The following GRM1 variants were observed in gnomAD, a reference collection of about 807,000 sequenced individuals.
GRM1 encodes the protein metabotropic glutamate receptor 1.
Under a neutral mutation model 90.9 loss-of-function variants are expected in GRM1, and 33 were observed. The observed-to-expected ratio is 0.36, with a 90% CI of 0.28 to 0.49. GRM1 has a LOEUF of 0.49. Among genes scored for constraint, GRM1 ranks in the 20% least tolerant of loss-of-function variants. The probability of loss-of-function intolerance (pLI) is 0.99; values close to 1 mark genes in which losing one functional copy is unlikely to be tolerated. For synonymous variants in GRM1, 700 were observed against 613.2 expected, an observed-to-expected ratio of 1.14 and a Z score of -2.09; for missense variants, 1,190 against 1,534.3, an observed-to-expected ratio of 0.78 and a Z score of 3.75.
intron 1 of GRM1, among the ~76,000 whole-genome samples, chr6:146,077,040 T>C (rs373772964): frequency 3.3e-4 from 50 of 152,304 alleles, no homozygotes; most frequent in African/African-American, 1.1e-3. Context: ...TGACAGAGAC[T>C]GATAGTAGGA....
chr6:146,135,465 G>A (rs1417916904), intron 1 of GRM1, among the ~76,000 whole-genome samples: 1 of 152,184 alleles, frequency 6.6e-6, no homozygotes, highest in Non-Finnish European at 1.5e-5. Context: ...CTACCATGAT[G>A]CAGAAAACCT....
intron 2 of GRM1, among the ~76,000 whole-genome samples, chr6:146,196,119 A>T (rs1034643695): frequency 3.3e-5 from 5 of 152,186 alleles, no homozygotes; most frequent in African/African-American, 1.2e-4. Context: ...TAATGGAGAA[A>T]ACCATAGATG....
chr6:146,270,804 G>T (rs561433165), intron 2 of GRM1, among the ~76,000 whole-genome samples: 2 of 151,572 alleles, frequency 1.3e-5, no homozygotes, highest in African/African-American at 4.8e-5. Flanking sequence ...ACCCACTAAA[G>T]ATTTTCTTTT....
intron 2 of GRM1, among the ~76,000 whole-genome samples, chr6:146,232,430 G>A (rs1342172444): frequency 6.6e-6 from 1 of 151,810 alleles, no homozygotes; most frequent in African/African-American, 2.4e-5. Context: ...ATATTTATAT[G>A]GTACATGAGA....
chr6:146,067,044 G>C (rs551878068), intron 1 of GRM1, among the ~76,000 whole-genome samples: 4 of 152,246 alleles, frequency 2.6e-5, no homozygotes, highest in South Asian at 4.1e-4. Context: ...GCTTACTAGA[G>C]AGTTCAGAAA....
intron 1 of GRM1, among the ~76,000 whole-genome samples, chr6:146,158,882 T>G (rs1292517957): frequency 6.6e-6 from 1 of 152,190 alleles, no homozygotes; most frequent in Non-Finnish European, 1.5e-5. Flanking sequence ...TTATTTTGCT[T>G]GCTCATTCTT....
intron 1 of GRM1, among the ~76,000 whole-genome samples, chr6:146,031,312 T>A (rs899762583): frequency 6.6e-6 from 1 of 152,154 alleles, no homozygotes; most frequent in Admixed American, 6.5e-5. Context: ...AAGAAGACAA[T>A]CTTGCTGGTA....
At chr6:146,325,985 G>C (rs1234669867) in intron 3 of GRM1, among the ~76,000 whole-genome samples, 2 of 152,150 alleles carry the variant, frequency 1.3e-5, no homozygotes, top group African/African-American at 4.8e-5. Flanking sequence ...CTTAGCGCCA[G>C]GTTTGGTTTG....
At chr6:146,426,325 C>CAG (rs142845864) in intron 7 of GRM1, among the ~76,000 whole-genome samples, 2,470 of 151,706 alleles carry the variant, frequency 0.016, 75 homozygotes, top group African/African-American at 0.057. Context: ...CACACACACA[C>CAG]AGCAAAAAAA....
At chr6:146,359,921 T>A (rs1775399327) in intron 5 of GRM1, among the ~76,000 whole-genome samples, 1 of 152,078 alleles carries the variant, frequency 6.6e-6, no homozygotes, top group African/African-American at 2.4e-5. Flanking sequence ...AATACCAACC[T>A]GGAATGGAGG....
intron 1 of GRM1, among the ~76,000 whole-genome samples, chr6:146,117,506 A>G (rs1775797663): frequency 6.6e-6 from 1 of 151,962 alleles, no homozygotes; most frequent in South Asian, 2.1e-4. Flanking sequence ...GTTTCTGTTT[A>G]ATAGGAACAT....
chr6:146,028,200 G>A (rs759190675), upstream of GRM1, among the ~76,000 whole-genome samples: 16 of 151,884 alleles, frequency 1.1e-4, no homozygotes, highest in Non-Finnish European at 2.2e-4. Context: ...GAGAATGAGG[G>A]CGGAGGGGCG....
At chr6:146,217,272 T>C (rs959800054) in intron 2 of GRM1, among the ~76,000 whole-genome samples, 15 of 152,186 alleles carry the variant, frequency 9.9e-5, no homozygotes, top group Admixed American at 6.5e-4. Flanking sequence ...TATGTTCTTG[T>C]TGGAAATCTC....
At chr6:146,295,149 T>A (rs1783131719) in intron 2 of GRM1, among the ~76,000 whole-genome samples, 1 of 152,136 alleles carries the variant, frequency 6.6e-6, no homozygotes, top group Non-Finnish European at 1.5e-5. Flanking sequence ...TAGAATTGGA[T>A]TAGTTGGATA....
intron 1 of GRM1, among the ~76,000 whole-genome samples, chr6:146,119,005 G>A (rs1423293968): frequency 2.6e-5 from 4 of 152,192 alleles, no homozygotes; most frequent in Admixed American, 6.5e-5. Context: ...AGATCCTTGA[G>A]GAATTGCCAC....
At position 146,419,063 on chromosome 6, in the gene GRM1, G is replaced by A. The variant is rs531373357; in HGVS notation, c.2661-14809G>A. On this transcript the variant is annotated intron_variant, in intron 7 of 7. Coordinates refer to ENST00000282753, the MANE Select transcript of GRM1 (RefSeq NM_001278064.2). ...AGGAGTAAAAAGGATCACAGGAGAG[G>A]TACTGAGATTTCGCCTACATTGCAA... Among the ~76,000 whole-genome samples the A allele has an allele frequency of 6.6e-5, 10 of 152,178 alleles. No individual in the cohort carries two copies. In the East Asian group the frequency reaches 1.9e-3, roughly 29 times the overall value.
At chr6:146,181,395 A>ACATATT (rs931955398) in intron 2 of GRM1, among the ~76,000 whole-genome samples, 8 of 152,328 alleles carry the variant, frequency 5.3e-5, no homozygotes, top group Admixed American at 5.2e-4. Flanking sequence ...TAGGATATGA[A>ACATATT]CATATTCAAG....
At chr6:146,328,099 T>A (rs530017421) in intron 3 of GRM1, among the ~76,000 whole-genome samples, 24 of 152,348 alleles carry the variant, frequency 1.6e-4, no homozygotes, top group African/African-American at 5.5e-4. Flanking sequence ...CACATCTGTC[T>A]ATAGTGCACG....
At chr6:146,379,005 G>A (rs991484140) in intron 5 of GRM1, among the ~76,000 whole-genome samples, 5 of 152,150 alleles carry the variant, frequency 3.3e-5, no homozygotes, top group Non-Finnish European at 5.9e-5. Flanking sequence ...ATGTGAAACT[G>A]TGAGTCAAAC....
Sources: allele counts gnomAD v4.1 joint callset (sites outside exome capture counted in the v4.1 genomes callset), GRCh38; gene constraint gnomAD v4.1.1; transcripts MANE v1.5; gene names NCBI Gene and HGNC (gene_info 2026-07-23, HGNC 2026-07-21).